CXXC4: variants seen among roughly 807,000 people sequenced by gnomAD.
CXXC4 encodes the protein CXXC finger protein 4, also known as CXXC-type zinc finger protein 4.
Under a neutral mutation model 20.5 loss-of-function variants are expected in CXXC4, and 5 were observed. The ratio of observed to expected loss-of-function variants is 0.24; its 90% CI spans 0.13 to 0.51. CXXC4 has a LOEUF of 0.51. Ranked by LOEUF, CXXC4 falls within the 20% of genes least tolerant of loss-of-function variation. The pLI is 0.97. For missense variants in CXXC4, 419 were observed against 496.4 expected (o/e 0.84, Z 1.48); for synonymous variants, 250 against 216.4 (o/e 1.16, Z -1.36).
intron 2 of CXXC4, among the ~76,000 whole-genome samples, chr4:104,474,002 G>C (rs1224833938): frequency 6.6e-6 from 1 of 151,938 alleles, no homozygotes; most frequent in Non-Finnish European, 1.5e-5. Flanking sequence ...AAGCAAACAT[G>C]CTTTTCGCTA....
At chr4:104,478,471 CAGAAGTGACCAAAAAATGTACCCATTTT>C (rs1736473475) in intron 2 of CXXC4, among the ~76,000 whole-genome samples, 1 of 152,020 alleles carries the variant, frequency 6.6e-6, no homozygotes, top group Admixed American at 6.6e-5. Flanking sequence ...CACACTGGTC[CAGAAGTGACCAAAAAATGTACCCATTTT>C]GGCCATAGGT....
At chr4:104,486,038 A>T (rs1388187211) in intron 2 of CXXC4, among the ~76,000 whole-genome samples, 1 of 152,044 alleles carries the variant, frequency 6.6e-6, no homozygotes, top group Non-Finnish European at 1.5e-5. Flanking sequence ...GTGTTTGCTC[A>T]CTTATATTTT....
At chr4:104,475,527 T>C (rs922059414) in intron 2 of CXXC4, among the ~76,000 whole-genome samples, 3 of 152,202 alleles carry the variant, frequency 2.0e-5, no homozygotes, top group African/African-American at 7.2e-5. Flanking sequence ...AATGTTTTAA[T>C]AGATAAAATA....
intron 2 of CXXC4, among the ~76,000 whole-genome samples, chr4:104,490,252 T>C (rs76627115): frequency 0.017 from 2,578 of 152,312 alleles, 81 homozygotes; most frequent in African/African-American, 0.06. Flanking sequence ...TGTTTCAACT[T>C]CATTGAATAC....
chr4:104,472,355 A>C lies in CXXC4; in HGVS notation c.1071T>G (p.Val357=). 1.2e-6 allele frequency: 2 copies of C among 1,603,824 alleles called. No individual in the cohort carries two copies. The highest frequency in any genetic ancestry group is 1.7e-6 in the Non-Finnish European group (2 of 1,174,336). The change falls in exon 3 of 3, where the codon GTT becomes GTG. Residue 357 remains valine, a synonymous_variant. Coordinates refer to ENST00000394767, the MANE Select transcript of CXXC4 (RefSeq NM_025212.4). ...KPGTSLERTP[V]PSAEAFRWFF is the part of the protein sequence containing the mutation. Reference sequence around the variant, plus strand: ...ACCATCGGAATGCTTCAGCGCTGGGAACAGGTGTTCTCTATAAAAAAAGAG... The same window carrying C: ...ACCATCGGAATGCTTCAGCGCTGGGCACAGGTGTTCTCTATAAAAAAAGAG...
In CXXC4 at chr4:104,481,449, C is replaced by T. The variant is rs185946633; in HGVS notation, c.1060-9083G>A. On this transcript the variant is annotated intron_variant, in intron 2 of 2. Transcript: ENST00000394767. ...TTGGGAGGCTGAGGGATGAGAATAG[C>T]TTGAATGCAGGAAGTAGAGGTTGCA... 6.6e-5 allele frequency among the ~76,000 whole-genome samples: 10 copies of T among 151,878 alleles called. No individual in the cohort carries two copies. In the East Asian group the frequency reaches 1.9e-3, roughly 30 times the overall value.
chr4:104,482,121 T>C (rs1736572480), intron 2 of CXXC4, among the ~76,000 whole-genome samples: 1 of 152,208 alleles, frequency 6.6e-6, no homozygotes, highest in African/African-American at 2.4e-5. Context: ...TTACTACATG[T>C]GATAAACTCA....
chr4:104,492,315 G>C (rs1192921116), intron 1 of CXXC4, among the ~76,000 whole-genome samples: 1 of 147,856 alleles, frequency 6.8e-6, no homozygotes, highest in East Asian at 2.0e-4. Flanking sequence ...TGTATTAATA[G>C]CCAGGATACC....
intron 2 of CXXC4, among the ~76,000 whole-genome samples, chr4:104,485,484 G>T (rs1233711641): frequency 1.3e-5 from 2 of 152,066 alleles, no homozygotes; most frequent in Non-Finnish European, 2.9e-5. Flanking sequence ...CTTTTTCAGA[G>T]TAAATTGAAG....
chr4:104,492,245 C>G, intron 1 of CXXC4, among the ~76,000 whole-genome samples, 186 bp from the exon 2 acceptor site: 1 of 145,468 alleles, frequency 6.9e-6, no homozygotes, highest in Non-Finnish European at 1.5e-5. Flanking sequence ...CCCCCGCTCC[C>G]TCCCTCCCCA....
Position 104,494,835 on chromosome 4 carries a change from T to TGTCG in CXXC4, c.-396_-393dup, listed in dbSNP as rs1185899564. ...TGTATGTGTGAGAGCGCGGGTCTGTTGTCGGTGGTCTCTCCTCTCCCAGCG... is the reference window on the plus strand; with the variant it reads ...TGTATGTGTGAGAGCGCGGGTCTGTTGTCGGTCGGTGGTCTCTCCTCTCCCAGCG... On this transcript the variant is annotated 5_prime_UTR_variant, in exon 1 of 3. Transcript: ENST00000394767. 6.6e-6 allele frequency: 1 copy of TGTCG among 150,558 alleles called. No individual in the cohort carries two copies. Among genetic ancestry groups the TGTCG allele is most frequent in the Non-Finnish European group, 1.5e-5 (1 of 67,662 alleles). The allele number at this position is 150,558 out of a possible 1,614,324, so 9.3% of individuals were successfully genotyped here. A position where few individuals can be genotyped will look rare whatever the true frequency, so the allele number is the denominator to read the frequency against.
intron 2 of CXXC4, among the ~76,000 whole-genome samples, chr4:104,474,889 C>T (rs1328957753): frequency 6.6e-6 from 1 of 151,994 alleles, no homozygotes; most frequent in African/African-American, 2.4e-5. Flanking sequence ...TTTTCCAATT[C>T]TCGCTCTTCC....
At chr4:104,487,205 A>T (rs532276987) in intron 2 of CXXC4, among the ~76,000 whole-genome samples, 1 of 152,300 alleles carries the variant, frequency 6.6e-6, no homozygotes, top group Admixed American at 6.5e-5. Context: ...CAGCTCAAGG[A>T]AAGTCTCAGT....
intron 2 of CXXC4, among the ~76,000 whole-genome samples, chr4:104,484,653 A>G (rs747990917): frequency 9.9e-5 from 15 of 152,034 alleles, no homozygotes; most frequent in Non-Finnish European, 1.6e-4. Flanking sequence ...ATTAAGAGAA[A>G]GCCCAGAAGT....
chr4:104,491,310 C>CGCT lies in CXXC4; in HGVS notation c.492_493insAGC (p.Gly164_Gly165insSer). The CGCT allele has an allele frequency of 6.8e-7, 1 of 1,460,102 alleles. No individual in the cohort carries two copies. Among genetic ancestry groups the CGCT allele is most frequent in the African/African-American group, 1.5e-5 (1 of 68,938 alleles). 90.4% of individuals were successfully genotyped at this position (1,460,102 alleles called of 1,614,324 possible). A position where few individuals can be genotyped will look rare whatever the true frequency, so the allele number is the denominator to read the frequency against. On this transcript the variant is annotated inframe_insertion, in exon 2 of 3. Transcript: ENST00000394767. ...CGGTGGTGCATGCTGGTCCTGCTGC[C>CGCT]GCCGCCGCCGCCGCCGCCGCCACCG...
At chr4:104,486,423 A>G (rs1736696583) in intron 2 of CXXC4, among the ~76,000 whole-genome samples, 2 of 152,074 alleles carry the variant, frequency 1.3e-5, no homozygotes, top group Non-Finnish European at 2.9e-5. Flanking sequence ...AAATTTTCCA[A>G]GCTTTTTCCT....
At chr4:104,477,987 A>C (rs115817141) in intron 2 of CXXC4, among the ~76,000 whole-genome samples, 1,592 of 152,266 alleles carry the variant, frequency 0.01, 19 homozygotes, top group South Asian at 0.029. Flanking sequence ...TTAGACCCCT[A>C]TTTAAAAAGG....
chr4:104,488,821 G>T (rs984053210), intron 2 of CXXC4, among the ~76,000 whole-genome samples: 1 of 152,116 alleles, frequency 6.6e-6, no homozygotes, highest in Non-Finnish European at 1.5e-5. Flanking sequence ...CCCCTGCAGG[G>T]TAATTATTTA....
chr4:104,486,455 GT>G (rs994363735), intron 2 of CXXC4, among the ~76,000 whole-genome samples: 1 of 151,804 alleles, frequency 6.6e-6, no homozygotes, highest in Non-Finnish European at 1.5e-5. Context: ...AAATTGAGGT[GT>G]TTTTTCCTAC....
Sources: allele counts gnomAD v4.1 joint callset (sites outside exome capture counted in the v4.1 genomes callset), GRCh38; gene constraint gnomAD v4.1.1; transcripts MANE v1.5; gene names NCBI Gene and HGNC (gene_info 2026-07-23, HGNC 2026-07-21).